The following MYCBP2 variants were observed in gnomAD, a reference collection of about 807,000 sequenced individuals.
The protein encoded by MYCBP2 is MYC binding protein 2.
MYCBP2 carries 120 observed loss-of-function variants against 525.3 expected under a neutral mutation model. The observed-to-expected ratio is 0.23, with a 90% CI of 0.20 to 0.27. The LOEUF (loss-of-function observed/expected upper bound fraction) is 0.27. MYCBP2 is among the 10% of genes least tolerant of loss of function. The pLI is 1.00. For synonymous variants in MYCBP2, 1,894 were observed against 1,955.8 expected, an observed-to-expected ratio of 0.97 and a Z score of 0.83; for missense variants, 4,149 against 5,657.1, an observed-to-expected ratio of 0.73 and a Z score of 8.55.
chr13:77,203,471 CA>C (rs1274381099), intron 26 of MYCBP2, among the ~76,000 whole-genome samples: 1 of 151,944 alleles, frequency 6.6e-6, no homozygotes, highest in Non-Finnish European at 1.5e-5. Context: ...CCATACTGCC[CA>C]AGGTAATTTA....
At chr13:77,210,275 T>C (rs1165660203) in intron 23 of MYCBP2, among the ~76,000 whole-genome samples, 5 of 150,704 alleles carry the variant, frequency 3.3e-5, no homozygotes, top group Non-Finnish European at 5.9e-5. Context: ...TCACTGCAAA[T>C]TCCGCCTCCC....
Position 77,280,665 on chromosome 13 carries a change from A to G in MYCBP2, c.595-1754T>C, listed in dbSNP as rs184504883. On this transcript the variant is annotated intron_variant, in intron 3 of 82. Transcript: ENST00000544440. Reference sequence around the variant, plus strand: ...CTTGCCAGAAACAGTAAGACTGCCTAATGAACAGGTTCTTGATCTCTCTGG... The same window carrying G: ...CTTGCCAGAAACAGTAAGACTGCCTGATGAACAGGTTCTTGATCTCTCTGG... Among the ~76,000 whole-genome samples the G allele has an allele frequency of 1.7e-3, 253 of 152,322 alleles. 4 individuals are homozygous for G. The highest frequency in any genetic ancestry group is 5.4e-3 in the African/African-American group (225 of 41,576).
chr13:77,208,673 G>T (rs532703831), intron 23 of MYCBP2, among the ~76,000 whole-genome samples: 1 of 152,256 alleles, frequency 6.6e-6, no homozygotes, highest in Admixed American at 6.5e-5. Context: ...GGTGTCAGAT[G>T]ATATAAATCA....
At chr13:77,053,159 T>G (rs1272027105) in intron 80 of MYCBP2, among the ~76,000 whole-genome samples, 1 of 151,292 alleles carries the variant, frequency 6.6e-6, no homozygotes, top group East Asian at 1.9e-4. Context: ...AAAGGCAAAT[T>G]TGATAATTCT....
intron 42 of MYCBP2, among the ~76,000 whole-genome samples, 170 bp downstream of exon 42, chr13:77,165,103 G>A (rs1413915116): frequency 1.3e-5 from 2 of 152,106 alleles, no homozygotes; most frequent in Admixed American, 1.3e-4. Flanking sequence ...ACTGTCTCAA[G>A]GGATTCTCTC....
At chr13:77,276,816 G>GTTTTTTTTTTTTTTTTTTTTTTT (rs397851660) in intron 4 of MYCBP2, among the ~76,000 whole-genome samples, 4 of 76,232 alleles carry the variant, frequency 5.2e-5, no homozygotes, top group African/African-American at 2.3e-4. Context: ...TCCATGCCCA[G>GTTTTTTTTTTTTTTTTTTTTTTT]TTTTTTTTTT....
chr13:77,104,037 CAGAACCTTTAAATTGCAGTCTTTTA>C, intron 55 of MYCBP2, among the ~76,000 whole-genome samples: 1 of 152,062 alleles, frequency 6.6e-6, no homozygotes, highest in African/African-American at 2.4e-5. Context: ...GAAGAATTAA[CAGAACCTTTAAATTGCAGTCTTTTA>C]AAAGCAGTAA....
At chr13:77,213,185 T>A (rs1292564286) in intron 21 of MYCBP2, among the ~76,000 whole-genome samples, 1 of 152,144 alleles carries the variant, frequency 6.6e-6, no homozygotes, top group African/African-American at 2.4e-5. Flanking sequence ...CACAAAAATG[T>A]AAACAGGGGC....
chr13:77,190,059 C>T (rs2061149985), intron 29 of MYCBP2, among the ~76,000 whole-genome samples, 193 bp downstream of exon 29: 1 of 151,952 alleles, frequency 6.6e-6, no homozygotes, highest in East Asian at 1.9e-4. Flanking sequence ...AAAGTTAAGC[C>T]TGTATGGAAA....
At position 77,300,397 on chromosome 13, in the gene MYCBP2, G is replaced by A. The variant is rs962889382; in HGVS notation, c.303-3723C>T. 3.7e-4 allele frequency among the ~76,000 whole-genome samples: 57 copies of A among 152,204 alleles called. 3 individuals are homozygous for A. The highest frequency in any genetic ancestry group is 1.5e-4 in the Non-Finnish European group (10 of 68,044). On this transcript the variant is annotated intron_variant, in intron 1 of 82. Coordinates refer to ENST00000544440, the MANE Select transcript of MYCBP2 (RefSeq NM_015057.5). ...CGGCAGCACATAAAGAGAGGAGTGT[G>A]CATATATTACAATAAAACTTCCAAA...
At chr13:77,217,082 A>T (rs2064929740) in intron 21 of MYCBP2, among the ~76,000 whole-genome samples, 1 of 152,250 alleles carries the variant, frequency 6.6e-6, no homozygotes, top group Admixed American at 6.5e-5. Flanking sequence ...GATATTCTAC[A>T]CACTGTTCTT....
rs528975619 is a variant in MYCBP2, at chr13:77,111,162, AT to A, written c.8140+10210del. ...AAAATCATGAGAATGCTTTAATAAT[AT>A]TTTTTAATAAAATGTAATATATGAA... is the stretch of plus-strand genomic sequence containing the variant. On this transcript the variant is annotated intron_variant, in intron 55 of 82. Coordinates refer to ENST00000544440, the MANE Select transcript of MYCBP2 (RefSeq NM_015057.5). Among the ~76,000 whole-genome samples the A allele has an allele frequency of 3.1e-3, 467 of 152,246 alleles. 2 individuals are homozygous for A. The highest frequency in any genetic ancestry group is 0.01 in the African/African-American group (425 of 41,540).
intron 59 of MYCBP2, 164 bp from the exon 60 acceptor site, chr13:77,090,427 G>T: frequency 2.1e-6 from 1 of 482,232 alleles, no homozygotes; most frequent in Non-Finnish European, 3.5e-6. Flanking sequence ...CTTTTCAAAT[G>T]CAGTAACATT....
At chr13:77,227,479 C>A (rs1452462893) in intron 18 of MYCBP2, among the ~76,000 whole-genome samples, 3 of 99,798 alleles carry the variant, frequency 3.0e-5, no homozygotes, top group Non-Finnish European at 6.1e-5. Flanking sequence ...CACACACACA[C>A]ATACACACAC....
At chr13:77,303,911 C>T (rs2079091053) in intron 1 of MYCBP2, among the ~76,000 whole-genome samples, 1 of 152,018 alleles carries the variant, frequency 6.6e-6, no homozygotes, top group East Asian at 1.9e-4. Flanking sequence ...AGCAGACATT[C>T]AATAGAGGTT....
At chr13:77,119,119 G>A (rs935661764) in intron 55 of MYCBP2, among the ~76,000 whole-genome samples, 4 of 152,080 alleles carry the variant, frequency 2.6e-5, no homozygotes, top group African/African-American at 7.2e-5. Context: ...AGTCCTATAT[G>A]ACAAAAAGGA....
At chr13:77,324,749 T>C (rs940815452) in intron 1 of MYCBP2, among the ~76,000 whole-genome samples, 4 of 152,220 alleles carry the variant, frequency 2.6e-5, no homozygotes, top group Admixed American at 6.5e-5. Flanking sequence ...ACCGTTAATA[T>C]AGTTCTAGAT....
chr13:77,056,099 G>GGGGGGTGT (rs536899192), intron 79 of MYCBP2, among the ~76,000 whole-genome samples: 5 of 120,522 alleles, frequency 4.1e-5, no homozygotes, highest in African/African-American at 1.6e-4. Flanking sequence ...CTCTGTGTTT[G>GGGGGGTGT]GTGTGTGTGT....
intron 1 of MYCBP2, among the ~76,000 whole-genome samples, chr13:77,303,992 T>C (rs1302025512): frequency 1.3e-5 from 2 of 152,108 alleles, no homozygotes; most frequent in Non-Finnish European, 2.9e-5. Context: ...ATAAATGCTA[T>C]TGAAGATGTG....
Sources: gnomAD v4.1 joint callset for allele counts (sites outside exome capture counted in the v4.1 genomes callset) on GRCh38, gnomAD v4.1.1 for gene constraint, MANE v1.5 for transcripts, NCBI Gene and HGNC (gene_info 2026-07-23, HGNC 2026-07-21) for gene names.